The following TMBIM1 variants were observed in gnomAD, a reference collection of about 807,000 sequenced individuals.
TMBIM1 encodes transmembrane BAX inhibitor motif containing 1.
In TMBIM1, 34 loss-of-function variants were observed where a neutral mutation model predicts 45.1. The ratio of observed to expected loss-of-function variants is 0.75; its 90% CI spans 0.57 to 1.00. The LOEUF is 1.00. Ranked by LOEUF, TMBIM1 falls within the 50% of genes least tolerant of loss-of-function variation. TMBIM1 has a pLI of 0.00. For synonymous variants in TMBIM1, 157 were observed against 153.5 expected (o/e 1.02, Z -0.17); for missense variants, 374 against 402.4 (o/e 0.93, Z 0.60).
intron 6 of TMBIM1, chr2:218,278,306 C>T: frequency 3.2e-6 from 2 of 621,858 alleles, no homozygotes; most frequent in South Asian, 4.0e-5. Flanking sequence ...ACCTGTCTTG[C>T]AGGGTTACTA....
chr2:218,288,843 G>T (rs543711113), intron 1 of TMBIM1, among the ~76,000 whole-genome samples: 22 of 152,212 alleles, frequency 1.4e-4, no homozygotes, highest in African/African-American at 4.8e-4. Flanking sequence ...TGTCAAAATG[G>T]TCCCATTTTG....
At position 218,275,331 on chromosome 2, in the gene TMBIM1, C is replaced by T; in HGVS notation, c.*144G>A. On this transcript the variant is annotated 3_prime_UTR_variant, in exon 12 of 12. Transcript: ENST00000258412. Reference sequence around the variant, plus strand: ...CCCACACATCCATAGCCAGAGAGGCCACCTGTCTCCAGGACAGAAAGGAAA... The same window carrying T: ...CCCACACATCCATAGCCAGAGAGGCTACCTGTCTCCAGGACAGAAAGGAAA... 3 of 1,135,290 alleles carry T rather than the reference C, an allele frequency of 2.6e-6. No homozygotes were observed. Among genetic ancestry groups the T allele is most frequent in the Non-Finnish European group, 3.6e-6 (3 of 829,124 alleles). The allele number at this position is 1,135,290 out of a possible 1,614,324, so 70.3% of individuals were successfully genotyped here. A position where few individuals can be genotyped will look rare whatever the true frequency, so the allele number is the denominator to read the frequency against.
intron 6 of TMBIM1, 126 bp downstream of exon 6, chr2:218,278,389 C>T (rs1176966985): frequency 2.0e-6 from 2 of 1,000,150 alleles, no homozygotes; most frequent in East Asian, 2.5e-5. Context: ...CTGTCATCGT[C>T]ATCCTCCTCC....
At position 218,276,061 on chromosome 2, in the gene TMBIM1, G is replaced by A. The variant is rs1290224114; in HGVS notation, c.754C>T (p.Leu252Phe). ...CAAATGGCCCCCAGAGCAGCATAGA[G>A]CATGTGGAGCCAGTAAACCTGGAGA... ...YFQYVYWLHM[L>F]YAALGAICFT... Residue 252 changes from leucine (L) to phenylalanine (F), a missense_variant, in exon 11 of 12, where the codon CTC becomes TTC. Leu to Phe is a conservative substitution (Grantham distance 22). Transcript: ENST00000258412. 5.0e-6 allele frequency: 8 copies of A among 1,613,160 alleles called. No homozygotes were observed. The highest frequency in any genetic ancestry group is 5.9e-6 in the Non-Finnish European group (7 of 1,179,664).
At chr2:218,279,644 TCA>T in intron 3 of TMBIM1, 1 of 485,274 alleles carries the variant, frequency 2.1e-6, no homozygotes, top group Non-Finnish European at 3.7e-6. Flanking sequence ...TCCCAGCAGC[TCA>T]GTCTGCACGC....
At chr2:218,282,345 C>T (rs1692107456) in intron 1 of TMBIM1, 164 bp from the exon 2 acceptor site, 1 of 489,998 alleles carries the variant, frequency 2.0e-6, no homozygotes, top group East Asian at 3.6e-5. Context: ...GCCACCTCCC[C>T]ACCAACTGGG....
At position 218,278,579 on chromosome 2, in the gene TMBIM1, G is replaced by C. The variant is rs1691505305; in HGVS notation, c.423-14C>G. 6.2e-7 allele frequency: 1 copy of C among 1,614,160 alleles called. No individual in the cohort carries two copies. Among genetic ancestry groups the C allele is most frequent in the Non-Finnish European group, 8.5e-7 (1 of 1,179,996 alleles). On this transcript the variant is annotated splice_polypyrimidine_tract_variant and intron_variant, in intron 5 of 11. Coordinates refer to ENST00000258412, the MANE Select transcript of TMBIM1 (RefSeq NM_022152.6). ...ACGAAGACAGCACTAGGGACAAAGAGATGGGGAAGCAGTTCAGGCCCAAAT... is the reference window on the plus strand; with the variant it reads ...ACGAAGACAGCACTAGGGACAAAGACATGGGGAAGCAGTTCAGGCCCAAAT...
In TMBIM1 at chr2:218,277,531, G is replaced by A; in HGVS notation, c.552-78C>T. ...CTTCAAAATCACCACTTCCAGAGGG[G>A]ACCTGCCCAGAATCCACCCACGCAG... On this transcript the variant is annotated intron_variant, in intron 8 of 11. Transcript: ENST00000258412. The A allele has an allele frequency of 6.9e-6, 11 of 1,604,576 alleles. No homozygotes were observed. The South Asian group carries it at 1.2e-4, about 18-fold the overall frequency.
Position 218,281,433 on chromosome 2 carries a change from G to A in TMBIM1, c.202+507C>T, listed in dbSNP as rs141135929. 2.6e-3 allele frequency among the ~76,000 whole-genome samples: 399 copies of A among 152,322 alleles called. 2 individuals carry two copies. Among genetic ancestry groups the A allele is most frequent in the Middle Eastern group, 0.017 (5 of 294 alleles). ...ATTACAGGCGTGAGCCACCGCGGCC[G>A]GCCTCACCTCATTTCTGACCAAACA... On this transcript the variant is annotated intron_variant, in intron 2 of 11. Transcript: ENST00000258412.
At chr2:218,284,922 T>G (rs1443103687) in intron 1 of TMBIM1, among the ~76,000 whole-genome samples, 1 of 152,106 alleles carries the variant, frequency 6.6e-6, no homozygotes, top group Non-Finnish European at 1.5e-5. Context: ...AAACCCCGTC[T>G]CTACTAAAAA....
Position 218,279,366 on chromosome 2 carries a change from G to A in TMBIM1, c.304-13C>T, listed in dbSNP as rs12987180. 0.39 allele frequency: 603,085 copies of A among 1,546,574 alleles called. 119,381 individuals are homozygous for A. Among genetic ancestry groups the A allele is most frequent in the Middle Eastern group, 0.49 (2,806 of 5,722 alleles). On this transcript the variant is annotated splice_polypyrimidine_tract_variant and intron_variant, in intron 3 of 11. Transcript: ENST00000258412. ...TGATGGAGTAAACCTGGACACAGAC[G>A]GCCGGGCATGGGTCACCATCCGGCA...
At chr2:218,281,753 G>A (rs1428126367) in intron 2 of TMBIM1, among the ~76,000 whole-genome samples, 187 bp downstream of exon 2, 1 of 152,196 alleles carries the variant, frequency 6.6e-6, no homozygotes, top group Non-Finnish European at 1.5e-5. Context: ...GCAAGTGGCT[G>A]GGGGCCAGTT....
rs10932769 is a variant in TMBIM1 at position 218,282,522 on chromosome 2, T to C, written c.-40-341A>G. On this transcript the variant is annotated intron_variant, in intron 1 of 11. Transcript: ENST00000258412. The stretch of plus-strand genomic sequence containing the variant: ...AGAAAACCTTCCAGTTTTGGTGGCT[T>C]GATGGCAGAACCAGCGAAGAAGCCA... Among the ~76,000 whole-genome samples the C allele has an allele frequency of 7.7e-3, 1,177 of 152,164 alleles. 11 individuals carry two copies. Among genetic ancestry groups the C allele is most frequent in the African/African-American group, 0.026 (1,097 of 41,518 alleles).
chr2:218,282,178 G>C lies in TMBIM1; in HGVS notation c.-37C>G, dbSNP rs764156509. On this transcript the variant is annotated 5_prime_UTR_variant, in exon 2 of 12. Transcript: ENST00000258412. ...GGCTGAGGGGGAACCCCAGCTGCTGGGACCTGAAATGGGAGAGGAGAAAAG... is the reference window on the plus strand; with the variant it reads ...GGCTGAGGGGGAACCCCAGCTGCTGCGACCTGAAATGGGAGAGGAGAAAAG... 25 of 1,426,968 alleles carry C rather than the reference G, an allele frequency of 1.8e-5. No individual in the cohort carries two copies. The highest frequency in any genetic ancestry group is 2.2e-5 in the Non-Finnish European group (24 of 1,082,968). The allele number at this position is 1,426,968 out of a possible 1,614,324, so 88.4% of individuals were successfully genotyped here. A position where few individuals can be genotyped will look rare whatever the true frequency, so the allele number is the denominator to read the frequency against.
At chr2:218,283,518 G>A (rs540619553) in intron 1 of TMBIM1, among the ~76,000 whole-genome samples, 2 of 152,242 alleles carry the variant, frequency 1.3e-5, no homozygotes, top group South Asian at 2.1e-4. Context: ...GTCTGGGCTC[G>A]ACAGGGCCAC....
intron 6 of TMBIM1, 60 bp downstream of exon 6, chr2:218,278,455 A>G (rs1457250170): frequency 6.5e-7 from 1 of 1,536,158 alleles, no homozygotes; most frequent in Non-Finnish European, 9.0e-7. Context: ...TTTCCAAAAT[A>G]CTCGGCCCCC....
chr2:218,277,352 C>T lies in TMBIM1; in HGVS notation c.639+14G>A. On this transcript the variant is annotated intron_variant, in intron 9 of 11. Coordinates refer to ENST00000258412, the MANE Select transcript of TMBIM1 (RefSeq NM_022152.6). Reference sequence around the variant, plus strand: ...GGAGTCGGGGGGCCAGGGAAGGGCCCTCCATGCCCTCACCTTGGTCTGAAA... The same window carrying T: ...GGAGTCGGGGGGCCAGGGAAGGGCCTTCCATGCCCTCACCTTGGTCTGAAA... 6 of 1,611,730 alleles carry T rather than the reference C, an allele frequency of 3.7e-6. No individual in the cohort carries two copies. Among genetic ancestry groups the T allele is most frequent in the Non-Finnish European group, 5.1e-6 (6 of 1,177,854 alleles).
At chr2:218,282,277 G>A (rs1377619202) in intron 1 of TMBIM1, 96 bp from the exon 2 acceptor site, 1 of 684,438 alleles carries the variant, frequency 1.5e-6, no homozygotes, top group Non-Finnish European at 2.3e-6. Context: ...CTGCCTCCGT[G>A]GAGAGGAACA....
At chr2:218,281,130 T>TTTTTTGTTTTTTGG (rs1553658813) in intron 2 of TMBIM1, 3 of 117,346 alleles carry the variant, frequency 2.6e-5, no homozygotes, top group Non-Finnish European at 3.6e-5. Context: ...TTGTTTTTTG[T>TTTTTTGTTTTTTGG]TTTTTTTTTG....
Sources: allele counts gnomAD v4.1 joint callset (sites outside exome capture counted in the v4.1 genomes callset), GRCh38; gene constraint gnomAD v4.1.1; transcripts MANE v1.5; gene names NCBI Gene and HGNC (gene_info 2026-07-23, HGNC 2026-07-21).